Variants in SUMF1 observed in about 807,000 individuals in gnomAD.
SUMF1 encodes formylglycine-generating enzyme.
A neutral mutation model predicts 47.6 loss-of-function variants in SUMF1; 48 were observed. The observed-to-expected ratio is 1.01, with a 90% CI of 0.80 to 1.28. The LOEUF is 1.28. SUMF1 is among the 50% of genes most tolerant of loss of function. The probability of loss-of-function intolerance (pLI) is 0.00; values close to 1 mark genes in which losing one functional copy is unlikely to be tolerated. For missense variants in SUMF1, 571 were observed against 485.4 expected (o/e 1.18, Z -1.66); for synonymous variants, 230 against 192.1 (o/e 1.20, Z -1.63).
intron 8 of SUMF1, among the ~76,000 whole-genome samples, chr3:4,322,746 T>C (rs1000721201): frequency 4.0e-5 from 6 of 151,574 alleles, no homozygotes; most frequent in African/African-American, 1.5e-4. Flanking sequence ...TATTGGTTGG[T>C]TGGTTGCAAA....
At chr3:4,266,839 C>G (rs1697205441) in intron 8 of SUMF1, among the ~76,000 whole-genome samples, 1 of 147,104 alleles carries the variant, frequency 6.8e-6, no homozygotes, top group Non-Finnish European at 1.5e-5. Context: ...TTTGCCCATT[C>G]AGTATGATAT....
chr3:4,211,199 C>CATATATATATAT (rs3046224), intron 8 of SUMF1, among the ~76,000 whole-genome samples: 4,063 of 84,234 alleles, frequency 0.048, 280 homozygotes, highest in Non-Finnish European at 0.059. Flanking sequence ...CATATACATA[C>CATATATATATAT]ATACATATAT....
intron 3 of SUMF1, among the ~76,000 whole-genome samples, chr3:4,432,218 T>A (rs1420352045): frequency 6.6e-6 from 1 of 151,276 alleles, no homozygotes; most frequent in Non-Finnish European, 1.5e-5. Context: ...GGCATCACCA[T>A]CTCCCCAAAA....
At chr3:4,169,972 T>C (rs1416475238) in intron 8 of SUMF1, among the ~76,000 whole-genome samples, 1 of 152,114 alleles carries the variant, frequency 6.6e-6, no homozygotes, top group Non-Finnish European at 1.5e-5. Flanking sequence ...AACATAGATT[T>C]TCAATAAGAA....
chr3:4,151,494 CGTATATATGTGTATATGTAT>C (rs1694330637), intron 8 of SUMF1, among the ~76,000 whole-genome samples: 2 of 129,988 alleles, frequency 1.5e-5, no homozygotes, highest in African/African-American at 6.1e-5. Flanking sequence ...TGTATATATA[CGTATATATGTGTATATGTAT>C]ACGTATATAT....
At chr3:4,310,861 C>T (rs1279156684) in intron 8 of SUMF1, among the ~76,000 whole-genome samples, 1 of 151,942 alleles carries the variant, frequency 6.6e-6, no homozygotes, top group Non-Finnish European at 1.5e-5. Context: ...AAAAGTTTAA[C>T]ATGAAAAGTT....
intron 8 of SUMF1, among the ~76,000 whole-genome samples, chr3:4,287,845 T>C (rs1008487479): frequency 6.6e-6 from 1 of 152,226 alleles, no homozygotes; most frequent in Non-Finnish European, 1.5e-5. Context: ...TCTATTATTA[T>C]CAACCAAGCA....
chr3:4,398,786 T>C (rs1229019381), intron 7 of SUMF1, among the ~76,000 whole-genome samples: 1 of 152,232 alleles, frequency 6.6e-6, no homozygotes, highest in South Asian at 2.1e-4. Flanking sequence ...GCGATTCCCA[T>C]CTCTTAAATT....
intron 8 of SUMF1, among the ~76,000 whole-genome samples, chr3:4,166,285 T>C (rs1694704864): frequency 6.6e-6 from 1 of 152,048 alleles, no homozygotes; most frequent in South Asian, 2.1e-4. Context: ...GACCATACCA[T>C]GAGGGAGGGA....
intron 8 of SUMF1, among the ~76,000 whole-genome samples, chr3:4,212,295 G>A (rs1695816642): frequency 6.6e-6 from 1 of 152,146 alleles, no homozygotes; most frequent in South Asian, 2.1e-4. Flanking sequence ...AACAGCATCG[G>A]GAGTGGACCT....
chr3:4,232,227 G>T (rs1696315550), intron 8 of SUMF1, among the ~76,000 whole-genome samples: 1 of 152,102 alleles, frequency 6.6e-6, no homozygotes, highest in African/African-American at 2.4e-5. Flanking sequence ...AGCAGGCTTA[G>T]AACCATGCAG....
At chr3:4,372,945 C>G (rs1700212006) in intron 8 of SUMF1, among the ~76,000 whole-genome samples, 1 of 152,216 alleles carries the variant, frequency 6.6e-6, no homozygotes, top group South Asian at 2.1e-4. Flanking sequence ...GACCAAGATC[C>G]TGGAAGTGCC....
intron 9 of SUMF1, among the ~76,000 whole-genome samples, chr3:4,048,275 T>C (rs1271092112): frequency 1.3e-5 from 2 of 152,102 alleles, no homozygotes; most frequent in Non-Finnish European, 2.9e-5. Context: ...ATCAATCACA[T>C]AGGGGAAGGA....
At chr3:4,368,881 T>G (rs1427015345) in intron 8 of SUMF1, among the ~76,000 whole-genome samples, 2 of 152,122 alleles carry the variant, frequency 1.3e-5, no homozygotes, top group East Asian at 1.9e-4. Flanking sequence ...AAAAATAAAC[T>G]AGTCATCCTG....
At chr3:4,111,952 G>A (rs1693317705) in intron 8 of SUMF1, among the ~76,000 whole-genome samples, 1 of 151,982 alleles carries the variant, frequency 6.6e-6, no homozygotes, top group Non-Finnish European at 1.5e-5. Flanking sequence ...GTCACAAAGT[G>A]GTGTAGATAT....
chr3:4,246,981 C>T (rs1179491142), intron 8 of SUMF1, among the ~76,000 whole-genome samples: 4 of 152,060 alleles, frequency 2.6e-5, no homozygotes, highest in Admixed American at 6.5e-5. Flanking sequence ...CTAGAAACTA[C>T]GCAGCTTTAA....
chr3:4,273,725 A>G (rs1697351131), intron 8 of SUMF1, among the ~76,000 whole-genome samples: 1 of 91,912 alleles, frequency 1.1e-5, no homozygotes, highest in African/African-American at 5.7e-5. Context: ...GGGAGGGAGG[A>G]TACGGGAGGG....
At chr3:4,119,128 A>G (rs1693483361) in intron 8 of SUMF1, among the ~76,000 whole-genome samples, 1 of 152,052 alleles carries the variant, frequency 6.6e-6, no homozygotes, top group Admixed American at 6.6e-5. Context: ...TAACAACCAT[A>G]AGGTCACTCT....
intron 8 of SUMF1, among the ~76,000 whole-genome samples, chr3:4,257,427 A>G (rs1416992743): frequency 7.8e-4 from 114 of 146,778 alleles, no homozygotes; most frequent in African/African-American, 2.3e-3. Context: ...AGGATACAAA[A>G]TCAATGTACA....
Sources: gnomAD v4.1 joint callset for allele counts (sites outside exome capture counted in the v4.1 genomes callset) on GRCh38, gnomAD v4.1.1 for gene constraint, MANE v1.5 for transcripts, NCBI Gene and HGNC (gene_info 2026-07-23, HGNC 2026-07-21) for gene names.